TTC28: variants seen among roughly 807,000 people sequenced by gnomAD.
TTC28 encodes the protein tetratricopeptide repeat protein 28.
In TTC28, 61 loss-of-function variants were observed where a neutral mutation model predicts 198.0. The ratio of observed to expected loss-of-function variants is 0.31; its 90% CI spans 0.25 to 0.38. The LOEUF (loss-of-function observed/expected upper bound fraction) is 0.38. Among genes scored for constraint, TTC28 ranks in the 10% least tolerant of loss-of-function variants. The pLI is 1.00. For missense variants in TTC28, 2,678 were observed against 3,164.0 expected, an observed-to-expected ratio of 0.85 and a Z score of 3.69; for synonymous variants, 1,171 against 1,297.8, an observed-to-expected ratio of 0.90 and a Z score of 2.10.
At chr22:28,310,764 T>C (rs1483258425) in intron 2 of TTC28, among the ~76,000 whole-genome samples, 3 of 152,154 alleles carry the variant, frequency 2.0e-5, no homozygotes, top group Non-Finnish European at 4.4e-5. Flanking sequence ...TTTATCTGTA[T>C]TTTCAAATGT....
intron 2 of TTC28, among the ~76,000 whole-genome samples, chr22:28,509,341 T>A (rs2048656993): frequency 6.6e-6 from 1 of 152,204 alleles, no homozygotes; most frequent in Non-Finnish European, 1.5e-5. Flanking sequence ...TAACAGTCTC[T>A]CAGACCACAG....
intron 5 of TTC28, among the ~76,000 whole-genome samples, chr22:28,190,183 C>T (rs541620993): frequency 2.0e-5 from 3 of 152,236 alleles, no homozygotes; most frequent in Non-Finnish European, 4.4e-5. Flanking sequence ...ATTCTAATAA[C>T]TTCTTAAAAT....
chr22:28,606,310 C>T (rs1011832517), intron 2 of TTC28, among the ~76,000 whole-genome samples: 3 of 151,844 alleles, frequency 2.0e-5, no homozygotes, highest in East Asian at 1.9e-4. Context: ...GGGCTGGTCT[C>T]GAACCCCTGA....
chr22:28,311,333 G>T (rs887981809), intron 2 of TTC28, among the ~76,000 whole-genome samples: 17 of 151,910 alleles, frequency 1.1e-4, no homozygotes, highest in African/African-American at 4.1e-4. Flanking sequence ...CAGCACCACT[G>T]ATTTATAATT....
chr22:28,537,294 A>AACATAATATAAATTAAATTAAATT (rs1569008943), intron 2 of TTC28, among the ~76,000 whole-genome samples: 8 of 74,560 alleles, frequency 1.1e-4, no homozygotes, highest in Non-Finnish European at 1.8e-4. Context: ...CTCCGTCTCA[A>AACATAATATAAATTAAATTAAATT]AAATAAAATA....
At chr22:28,594,988 C>A (rs1396526346) in intron 2 of TTC28, among the ~76,000 whole-genome samples, 3 of 152,162 alleles carry the variant, frequency 2.0e-5, no homozygotes, top group Non-Finnish European at 2.9e-5. Context: ...TACGGACATT[C>A]TTTTCTTCTA....
chr22:28,372,804 C>T (rs976696582), intron 2 of TTC28, among the ~76,000 whole-genome samples: 4 of 152,124 alleles, frequency 2.6e-5, no homozygotes, highest in African/African-American at 9.7e-5. Context: ...GAATAAACAC[C>T]GAAGTCAGGA....
intron 2 of TTC28, among the ~76,000 whole-genome samples, chr22:28,346,279 G>A (rs866061118): frequency 1.6e-4 from 25 of 152,146 alleles, no homozygotes; most frequent in Middle Eastern, 3.4e-3. Flanking sequence ...ACCAGTTATC[G>A]CCAAACTTGT....
intron 2 of TTC28, among the ~76,000 whole-genome samples, chr22:28,336,082 A>C (rs1018513681): frequency 1.3e-5 from 2 of 152,204 alleles, no homozygotes; most frequent in Non-Finnish European, 1.5e-5. Flanking sequence ...CCTTTTCTGC[A>C]TCTATTGAGA....
intron 6 of TTC28, among the ~76,000 whole-genome samples, chr22:28,153,917 G>A (rs993319864): frequency 2.0e-5 from 3 of 152,144 alleles, no homozygotes; most frequent in African/African-American, 7.2e-5. Context: ...TACTAGAGGC[G>A]ATCAGGCCTG....
chr22:27,990,238 G>A (rs899432060), intron 20 of TTC28, among the ~76,000 whole-genome samples: 7 of 152,208 alleles, frequency 4.6e-5, no homozygotes, highest in African/African-American at 1.4e-4. Context: ...TCCTGGGGCC[G>A]GGGCCGGGTT....
At chr22:28,003,221 CA>C (rs764886555) in intron 14 of TTC28, among the ~76,000 whole-genome samples, 1 of 152,080 alleles carries the variant, frequency 6.6e-6, no homozygotes. Flanking sequence ...AAAGGTGGCT[CA>C]GGGGGCTGCT....
intron 2 of TTC28, among the ~76,000 whole-genome samples, chr22:28,515,930 A>C (rs2048776852): frequency 6.6e-6 from 1 of 152,142 alleles, no homozygotes; most frequent in African/African-American, 2.4e-5. Context: ...AAATCACCTG[A>C]GGTCAGAAGT....
intron 2 of TTC28, among the ~76,000 whole-genome samples, chr22:28,482,056 G>A (rs547431193): frequency 2.0e-5 from 3 of 151,980 alleles, no homozygotes; most frequent in Non-Finnish European, 4.4e-5. Flanking sequence ...ATTACATCAG[G>A]TTTTAGCAAC....
intron 5 of TTC28, among the ~76,000 whole-genome samples, chr22:28,226,479 T>C (rs140236932): frequency 6.6e-6 from 1 of 152,280 alleles, no homozygotes; most frequent in African/African-American, 2.4e-5. Context: ...CAGGCTGGAG[T>C]GCAGTGGTGC....
At chr22:28,307,948 CT>C (rs1020864220) in intron 2 of TTC28, among the ~76,000 whole-genome samples, 2 of 151,946 alleles carry the variant, frequency 1.3e-5, no homozygotes, top group African/African-American at 4.8e-5. Flanking sequence ...GAGAAAGCAC[CT>C]TTCGTGTTTA....
chr22:28,677,158 GAA>G (rs35292146), intron 1 of TTC28, among the ~76,000 whole-genome samples: 1,700 of 44,888 alleles, frequency 0.038, 36 homozygotes, highest in African/African-American at 0.14. Context: ...TCCATCTCAG[GAA>G]AAAAAAAAAA....
At chr22:28,608,224 C>A (rs1170393291) in intron 2 of TTC28, among the ~76,000 whole-genome samples, 1 of 152,172 alleles carries the variant, frequency 6.6e-6, no homozygotes, top group Admixed American at 6.5e-5. Context: ...AACCAGCAGC[C>A]TTCTCACCAA....
chr22:28,575,216 G>C (rs889882672), intron 2 of TTC28, among the ~76,000 whole-genome samples: 13 of 152,170 alleles, frequency 8.5e-5, no homozygotes, highest in South Asian at 2.1e-4. Flanking sequence ...CAAGAGATAA[G>C]GGTCTAGTTT....
Sources: allele counts gnomAD v4.1 joint callset (sites outside exome capture counted in the v4.1 genomes callset), GRCh38; gene constraint gnomAD v4.1.1; transcripts MANE v1.5; gene names NCBI Gene and HGNC (gene_info 2026-07-23, HGNC 2026-07-21).